The following SYN3 variants were observed in gnomAD, a reference collection of about 807,000 sequenced individuals.
The protein encoded by SYN3 is synapsin-3.
SYN3 carries 35 observed loss-of-function variants against 65.8 expected under a neutral mutation model. The ratio of observed to expected loss-of-function variants is 0.53; its 90% confidence interval spans 0.41 to 0.70. SYN3 has a LOEUF of 0.70. SYN3 is among the 30% of genes least tolerant of loss of function. The pLI is 0.00. For missense variants in SYN3, 680 were observed against 749.0 expected (o/e 0.91, Z 1.08); for synonymous variants, 270 against 292.9 (o/e 0.92, Z 0.80).
chr22:32,875,859 A>C, intron 4 of SYN3, among the ~76,000 whole-genome samples: 1 of 152,164 alleles, frequency 6.6e-6, no homozygotes, highest in East Asian at 1.9e-4. Context: ...GGGAGAATGA[A>C]TTTCTGTTAT....
intron 6 of SYN3, among the ~76,000 whole-genome samples, chr22:32,745,394 C>T (rs73156454): frequency 1.3e-3 from 199 of 152,278 alleles, no homozygotes; most frequent in Admixed American, 4.1e-3. Context: ...ACCAGATGTT[C>T]GGGGGTGGAG....
intron 6 of SYN3, among the ~76,000 whole-genome samples, chr22:32,681,639 G>T (rs1271372070): frequency 1.3e-5 from 2 of 152,156 alleles, no homozygotes; most frequent in African/African-American, 4.8e-5. Context: ...TGCAGCTGCT[G>T]ACTCAATCCA....
At chr22:32,983,163 G>A (rs1213537874) in intron 2 of SYN3, among the ~76,000 whole-genome samples, 2 of 152,104 alleles carry the variant, frequency 1.3e-5, no homozygotes, top group African/African-American at 4.8e-5. Flanking sequence ...TCTCTGGGAC[G>A]GAGACAGCTC....
intron 7 of SYN3, among the ~76,000 whole-genome samples, chr22:32,564,744 G>A (rs1011735710): frequency 6.7e-6 from 1 of 149,466 alleles, no homozygotes; most frequent in African/African-American, 2.5e-5. Flanking sequence ...AGTGCTCCTG[G>A]GCTGCACCCA....
At position 32,509,464 on chromosome 22, in the gene SYN3, G is replaced by T. The variant is rs8142304; in HGVS notation, c.*4228C>A. Among the ~76,000 whole-genome samples the T allele has an allele frequency of 6.6e-6, 1 of 152,040 alleles. No homozygotes were observed. Among genetic ancestry groups the T allele is most frequent in the Non-Finnish European group, 1.5e-5 (1 of 68,002 alleles). ...AAAGGTTACATGTTTGGAAGGAACA[G>T]GTACTAGTCTATGTGACAGAACAGA... On this transcript the variant is annotated 3_prime_UTR_variant, in exon 14 of 14. Transcript: ENST00000358763.
intron 1 of SYN3, among the ~76,000 whole-genome samples, chr22:33,008,301 T>C: frequency 6.6e-6 from 1 of 152,334 alleles, no homozygotes; most frequent in East Asian, 1.9e-4. Context: ...ATACACTTCT[T>C]TGAGTTTTGA....
chr22:32,595,113 T>C (rs897894617), intron 7 of SYN3, among the ~76,000 whole-genome samples: 1 of 152,218 alleles, frequency 6.6e-6, no homozygotes, highest in African/African-American at 2.4e-5. Flanking sequence ...CCTGTGGGAC[T>C]CTGATGCACA....
At chr22:32,659,782 C>T (rs986129973) in intron 6 of SYN3, among the ~76,000 whole-genome samples, 3 of 152,192 alleles carry the variant, frequency 2.0e-5, no homozygotes, top group African/African-American at 7.2e-5. Flanking sequence ...TTCTGCCAGG[C>T]AACCAGGTGG....
At chr22:32,527,798 T>C (rs2058004441) in intron 12 of SYN3, 120 bp downstream of exon 12, 1 of 800,550 alleles carries the variant, frequency 1.2e-6, no homozygotes, top group Non-Finnish European at 2.0e-6. Flanking sequence ...ATTCATTCTG[T>C]GGATAAAGTA....
chr22:32,604,478 G>A (rs759882645), intron 6 of SYN3, among the ~76,000 whole-genome samples: 3 of 149,218 alleles, frequency 2.0e-5, no homozygotes, highest in African/African-American at 4.9e-5. Flanking sequence ...GTTTCCCTGA[G>A]ATACCCTCCC....
At chr22:32,610,691 T>G (rs1303518242) in intron 6 of SYN3, among the ~76,000 whole-genome samples, 1 of 152,202 alleles carries the variant, frequency 6.6e-6, no homozygotes, top group Non-Finnish European at 1.5e-5. Context: ...CAAGCAATTC[T>G]CCTGCCTCAG....
At chr22:33,002,492 A>C (rs1436783162) in intron 2 of SYN3, among the ~76,000 whole-genome samples, 3 of 152,056 alleles carry the variant, frequency 2.0e-5, no homozygotes, top group African/African-American at 4.8e-5. Flanking sequence ...AAATACAAAA[A>C]AATTACCCGG....
At chr22:32,786,338 T>C (rs1349519411) in intron 6 of SYN3, among the ~76,000 whole-genome samples, 1 of 152,168 alleles carries the variant, frequency 6.6e-6, no homozygotes, top group Non-Finnish European at 1.5e-5. Flanking sequence ...AGGAAGTACA[T>C]ATTGAAATAT....
At chr22:32,786,185 G>A (rs187978912) in intron 6 of SYN3, among the ~76,000 whole-genome samples, 5 of 152,190 alleles carry the variant, frequency 3.3e-5, no homozygotes, top group Middle Eastern at 6.8e-3. Flanking sequence ...CTTGTTTGTA[G>A]CCGAGGAAGC....
chr22:33,027,322 C>T (rs2053654891), intron 1 of SYN3, among the ~76,000 whole-genome samples: 1 of 152,066 alleles, frequency 6.6e-6, no homozygotes, highest in South Asian at 2.1e-4. Context: ...TCAGGCCGGG[C>T]ACGGTGACTC....
intron 7 of SYN3, among the ~76,000 whole-genome samples, chr22:32,569,557 C>CTATATATATATATA (rs1401047566): frequency 3.7e-4 from 28 of 76,584 alleles, no homozygotes; most frequent in Non-Finnish European, 6.2e-4. Flanking sequence ...CTCTCTCTCT[C>CTATATATATATATA]TCTCTCTCTC....
intron 6 of SYN3, among the ~76,000 whole-genome samples, chr22:32,780,957 CCTTCCT>C (rs1380031847): frequency 1.3e-5 from 1 of 78,122 alleles, no homozygotes; most frequent in Non-Finnish European, 2.7e-5. Flanking sequence ...TTCCTTCCTT[CCTTCCT>C]TCCTTCCTTC....
intron 2 of SYN3, among the ~76,000 whole-genome samples, chr22:32,992,707 G>C (rs1233681749): frequency 6.6e-6 from 1 of 152,148 alleles, no homozygotes; most frequent in Non-Finnish European, 1.5e-5. Context: ...CAGCTACTGG[G>C]GAGGCTGAGA....
At position 33,006,676 on chromosome 22, in the gene SYN3, T is replaced by C. The variant is rs1269829904; in HGVS notation, c.-14A>G. On this transcript the variant is annotated 5_prime_UTR_variant, in exon 2 of 14. Coordinates refer to ENST00000358763, the MANE Select transcript of SYN3 (RefSeq NM_003490.4). ...GAGGAAATTCATGGCTGTGGATGGA[T>C]GGAGATGACTGGCTCCTACCCAGAC... The C allele has an allele frequency of 6.4e-7, 1 of 1,558,890 alleles. No homozygotes were observed. Among genetic ancestry groups the C allele is most frequent in the Non-Finnish European group, 8.7e-7 (1 of 1,151,842 alleles).
Sources: allele counts gnomAD v4.1 joint callset (sites outside exome capture counted in the v4.1 genomes callset), GRCh38; gene constraint gnomAD v4.1.1; transcripts MANE v1.5; gene names NCBI Gene and HGNC (gene_info 2026-07-23, HGNC 2026-07-21).